The following EPB41 variants were observed in gnomAD, a reference collection of about 807,000 sequenced individuals.
EPB41 encodes erythrocyte membrane protein band 4.1.
A neutral mutation model predicts 108.0 loss-of-function variants in EPB41; 65 were observed. That is an observed-to-expected ratio of 0.60 (90% CI 0.49 to 0.74). EPB41 has a LOEUF of 0.74. Among genes scored for constraint, EPB41 ranks in the 30% least tolerant of loss-of-function variants. EPB41 has a pLI of 0.00. For missense variants in EPB41, 875 were observed against 1,037.0 expected, an observed-to-expected ratio of 0.84 and a Z score of 2.15; for synonymous variants, 336 against 358.9, an observed-to-expected ratio of 0.94 and a Z score of 0.72.
intron 1 of EPB41, among the ~76,000 whole-genome samples, chr1:28,934,953 A>C (rs1202865045): frequency 6.6e-6 from 1 of 151,960 alleles, no homozygotes; most frequent in Non-Finnish European, 1.5e-5. Context: ...GTCCCTACAA[A>C]AAATGAACAG....
chr1:28,941,469 G>T (rs1176267694), intron 1 of EPB41, among the ~76,000 whole-genome samples: 3 of 152,136 alleles, frequency 2.0e-5, no homozygotes, highest in Non-Finnish European at 4.4e-5. Flanking sequence ...AGTATCCTTC[G>T]GAAGAAGAAA....
intron 1 of EPB41, chr1:28,902,368 A>G (rs1299726079): frequency 3.0e-6 from 3 of 985,202 alleles, no homozygotes; most frequent in Non-Finnish European, 3.6e-6. Context: ...TGGGTCCGCA[A>G]TGGTTATTAT....
intron 1 of EPB41, among the ~76,000 whole-genome samples, chr1:28,940,249 T>G (rs1442659207): frequency 6.6e-6 from 1 of 152,258 alleles, no homozygotes; most frequent in Non-Finnish European, 1.5e-5. Flanking sequence ...TAGAAGTGCC[T>G]TGATTAAACT....
At chr1:29,027,388 A>G (rs1285958879) in intron 7 of EPB41, among the ~76,000 whole-genome samples, 5 of 150,158 alleles carry the variant, frequency 3.3e-5, no homozygotes, top group African/African-American at 7.4e-5. Flanking sequence ...CTGGAGTGCA[A>G]TGGCGCAATC....
intron 1 of EPB41, among the ~76,000 whole-genome samples, chr1:28,890,043 A>G (rs1441760563): frequency 1.3e-5 from 2 of 148,998 alleles, no homozygotes; most frequent in Admixed American, 6.7e-5. Flanking sequence ...ATTTTATTTT[A>G]TTTTGTTTTT....
intron 11 of EPB41, among the ~76,000 whole-genome samples, chr1:29,051,635 G>A (rs867681929): frequency 5.3e-5 from 8 of 152,140 alleles, no homozygotes; most frequent in Middle Eastern, 6.8e-3. Context: ...GGTGGCTCAC[G>A]CCTGTAATCC....
At chr1:28,923,790 C>T (rs1202648397) in intron 1 of EPB41, among the ~76,000 whole-genome samples, 6 of 151,928 alleles carry the variant, frequency 3.9e-5, no homozygotes, top group African/African-American at 9.7e-5. Context: ...ATAAATATAC[C>T]AAAGAATATA....
At chr1:29,040,608 G>T (rs1347388596) in intron 11 of EPB41, among the ~76,000 whole-genome samples, 1 of 151,924 alleles carries the variant, frequency 6.6e-6, no homozygotes, top group Non-Finnish European at 1.5e-5. Context: ...AAAGAAGTTT[G>T]CCACGTGGCA....
At chr1:28,940,516 G>T (rs1036604247) in intron 1 of EPB41, among the ~76,000 whole-genome samples, 1 of 152,140 alleles carries the variant, frequency 6.6e-6, no homozygotes, top group Non-Finnish European at 1.5e-5. Context: ...GCCGGGCGTG[G>T]TGGCGGGCGC....
At chr1:28,890,615 T>C (rs879543528) in intron 1 of EPB41, among the ~76,000 whole-genome samples, 1 of 152,246 alleles carries the variant, frequency 6.6e-6, no homozygotes, top group Non-Finnish European at 1.5e-5. Context: ...CCGTGTTCTC[T>C]AATCATAATT....
intron 1 of EPB41, among the ~76,000 whole-genome samples, chr1:28,931,489 G>C (rs1048306112): frequency 1.3e-5 from 2 of 150,252 alleles, no homozygotes; most frequent in Non-Finnish European, 3.0e-5. Context: ...TGTATTTTTG[G>C]CTTCATACTC....
intron 10 of EPB41, among the ~76,000 whole-genome samples, chr1:29,038,891 A>G (rs1640487568): frequency 6.6e-6 from 1 of 152,228 alleles, no homozygotes; most frequent in South Asian, 2.1e-4. Flanking sequence ...GTTACTGCCC[A>G]ATGTCCTAAC....
intron 17 of EPB41, among the ~76,000 whole-genome samples, chr1:29,108,701 G>A (rs1355629063): frequency 6.6e-6 from 1 of 150,824 alleles, no homozygotes; most frequent in Non-Finnish European, 1.5e-5. Context: ...GGGATTATAG[G>A]CAAGCACCAC....
intron 1 of EPB41, among the ~76,000 whole-genome samples, chr1:28,895,634 C>T (rs568486075): frequency 1.4e-4 from 22 of 152,258 alleles, no homozygotes; most frequent in Non-Finnish European, 2.4e-4. Flanking sequence ...GGACTACAGG[C>T]GTGCACCACC....
chr1:28,893,053 C>T (rs767747623), intron 1 of EPB41, among the ~76,000 whole-genome samples: 7 of 151,996 alleles, frequency 4.6e-5, no homozygotes, highest in African/African-American at 1.4e-4. Context: ...TTGCCTGCCT[C>T]GGCCTCCCAA....
upstream of EPB41, among the ~76,000 whole-genome samples, chr1:28,911,576 G>A (rs1267324842): frequency 6.6e-6 from 1 of 152,216 alleles, no homozygotes; most frequent in Admixed American, 6.5e-5. Flanking sequence ...TAACTTGGTG[G>A]TGGTGGAGAT....
intron 1 of EPB41, among the ~76,000 whole-genome samples, chr1:28,935,200 G>T (rs1570916538): frequency 6.6e-6 from 1 of 151,904 alleles, no homozygotes; most frequent in African/African-American, 2.4e-5. Flanking sequence ...GGAGGATGAG[G>T]CAGGCTGATC....
At chr1:29,094,740 C>G (rs1662586308) in intron 16 of EPB41, among the ~76,000 whole-genome samples, 2 of 152,130 alleles carry the variant, frequency 1.3e-5, no homozygotes, top group Non-Finnish European at 2.9e-5. Context: ...ACCTAGAGCA[C>G]CTTTCTTTTA....
chr1:28,914,287 G>A (rs1025775906), upstream of EPB41, among the ~76,000 whole-genome samples: 1 of 152,220 alleles, frequency 6.6e-6, no homozygotes, highest in African/African-American at 2.4e-5. Context: ...GGAACACCCC[G>A]GCTCCAGACC....
Sources: allele counts gnomAD v4.1 joint callset (sites outside exome capture counted in the v4.1 genomes callset), GRCh38; gene constraint gnomAD v4.1.1; transcripts MANE v1.5; gene names NCBI Gene and HGNC (gene_info 2026-07-23, HGNC 2026-07-21).